APTX: variants seen among roughly 807,000 people sequenced by gnomAD.
The protein encoded by APTX is forkhead-associated domain histidine triad-like protein.
Under a neutral mutation model 42.3 loss-of-function variants are expected in APTX, and 33 were observed. The observed-to-expected ratio is 0.78, with a 90% confidence interval of 0.59 to 1.04. The LOEUF is 1.04. APTX is among the 50% of genes least tolerant of loss of function. The pLI, the probability that APTX is intolerant of heterozygous loss-of-function variation, is 0.00. For synonymous variants in APTX, 130 were observed against 146.7 expected, an observed-to-expected ratio of 0.89 and a Z score of 0.82; for missense variants, 421 against 415.1, an observed-to-expected ratio of 1.01 and a Z score of -0.12.
At chr9:32,992,455 A>C (rs1047393914) in intron 1 of APTX, among the ~76,000 whole-genome samples, 3 of 152,236 alleles carry the variant, frequency 2.0e-5, no homozygotes, top group African/African-American at 7.2e-5. Flanking sequence ...GGGACTGATA[A>C]AGAAGAAATG....
rs116333045 is a variant in APTX, at chr9:33,009,983, C to T, written c.-5+15040G>A. Among the ~76,000 whole-genome samples, 434 of 152,242 alleles carry T rather than the reference C, an allele frequency of 2.9e-3. 1 individual carries two copies. Among genetic ancestry groups the T allele is most frequent in the African/African-American group, 0.01 (421 of 41,534 alleles). ...TACCACTCTCTCCTCGCCTATTTGCCCAAACACAGGGCCTTTCCTTCAATT... is the reference window on the plus strand; with the variant it reads ...TACCACTCTCTCCTCGCCTATTTGCTCAAACACAGGGCCTTTCCTTCAATT... On this transcript the variant is annotated intron_variant, in intron 1 of 6. Coordinates refer to the APTX transcript ENST00000436040.
At chr9:32,999,684 G>A (rs1835790796) in intron 1 of APTX, among the ~76,000 whole-genome samples, 1 of 152,156 alleles carries the variant, frequency 6.6e-6, no homozygotes, top group South Asian at 2.1e-4. Flanking sequence ...AAAATAAAAG[G>A]TAACAAACAG....
At chr9:32,980,129 A>T (rs1830366570) in intron 6 of APTX, 1 of 152,512 alleles carries the variant, frequency 6.6e-6, no homozygotes, top group Non-Finnish European at 1.5e-5. Context: ...TTATTCTGCA[A>T]TGTAACTGCA....
At chr9:33,022,539 T>G (rs1163951357) in intron 1 of APTX, among the ~76,000 whole-genome samples, 1 of 152,234 alleles carries the variant, frequency 6.6e-6, no homozygotes, top group Non-Finnish European at 1.5e-5. Context: ...CCAACAGAAA[T>G]ACTTGCATGA....
Position 32,974,464 on chromosome 9 carries a change from A to T in APTX, c.868T>A (p.Ser290Thr), listed in dbSNP as rs780912750. The change falls in exon 7 of 8, where the codon TCA becomes ACA. Residue 290 changes from serine to threonine, a missense_variant. Ser to Thr is a moderately conservative substitution (Grantham distance 58). Coordinates refer to ENST00000379817, the MANE Select transcript of APTX (RefSeq NM_001195248.2). ...ACCAAGGAACACTGTTTACCTTGTG[A>T]TTCTAGGAAGTATTCTGTATTGAAA... ...NSFNTEYFLE[S>T]QAVIEMVQEA... The T allele has an allele frequency of 3.2e-6, 5 of 1,568,450 alleles. No homozygotes were observed. The Admixed American group carries it at 8.3e-5, about 26-fold the overall frequency.
chr9:32,974,439 AC>A lies in APTX; in HGVS notation c.874+18del, dbSNP rs1213807704. On this transcript the variant is annotated intron_variant, in intron 7 of 7. Coordinates refer to ENST00000379817, the MANE Select transcript of APTX (RefSeq NM_001195248.2). Reference sequence around the variant, plus strand: ...CTCAGAAAATGAAACAAATGTGAAAACCAAGGAACACTGTTTACCTTGTGAT... The same window carrying A: ...CTCAGAAAATGAAACAAATGTGAAAACAAGGAACACTGTTTACCTTGTGAT... The A allele has an allele frequency of 2.1e-6, 3 of 1,423,308 alleles. No individual in the cohort carries two copies. Among genetic ancestry groups the A allele is most frequent in the Non-Finnish European group, 3.0e-6 (3 of 1,006,886 alleles). The allele number at this position is 1,423,308 out of a possible 1,614,324, so 88.2% of individuals were successfully genotyped here. A position where few individuals can be genotyped will look rare whatever the true frequency, so the allele number is the denominator to read the frequency against.
At position 32,972,789 on chromosome 9, in the gene APTX, C is replaced by T. The variant is rs1262411911; in HGVS notation, c.*709G>A. The T allele has an allele frequency of 2.2e-6, 1 of 453,946 alleles. No homozygotes were observed. Among genetic ancestry groups the T allele is most frequent in the African/African-American group, 2.0e-5 (1 of 49,982 alleles). 28.1% of individuals were successfully genotyped at this position (453,946 alleles called of 1,614,324 possible). A position where few individuals can be genotyped will look rare whatever the true frequency, so the allele number is the denominator to read the frequency against. On this transcript the variant is annotated 3_prime_UTR_variant, in exon 8 of 8. Coordinates refer to ENST00000379817, the MANE Select transcript of APTX (RefSeq NM_001195248.2). Reference sequence around the variant, plus strand: ...CAAACAAATTAACTTTATTTTCAGACAACAGGTCCAAGAAGACTTCACAGC... The same window carrying T: ...CAAACAAATTAACTTTATTTTCAGATAACAGGTCCAAGAAGACTTCACAGC...
chr9:33,000,625 CAAAAAAA>C (rs60760701), intron 1 of APTX, among the ~76,000 whole-genome samples: 12 of 63,436 alleles, frequency 1.9e-4, no homozygotes, highest in African/African-American at 3.5e-4. Flanking sequence ...GACTCTGTCT[CAAAAAAA>C]AAAAAAAAAA....
At position 32,987,817 on chromosome 9, in the gene APTX, T is replaced by C. The variant is rs138511333; in HGVS notation, c.210A>G (p.Ser70=). 2.1e-5 allele frequency: 34 copies of C among 1,613,828 alleles called. No individual in the cohort carries two copies. In the Admixed American group the frequency reaches 4.7e-4, roughly 22 times the overall value. Residue 70 remains serine, a synonymous_variant, in exon 4 of 8, where the codon TCA becomes TCG. Coordinates refer to ENST00000379817, the MANE Select transcript of APTX (RefSeq NM_001195248.2). Reference sequence around the variant, plus strand: ...CCTCTTGGTCCTTCCCAATTACGACTGAGTCAATGCTGGTGGGATTGACTC... The same window carrying C: ...CCTCTTGGTCCTTCCCAATTACGACCGAGTCAATGCTGGTGGGATTGACTC... The part of the protein sequence containing the change: ...QVGVNPTSID[S]VVIGKDQEVK...
At chr9:32,976,409 A>C (rs1382118313) in intron 6 of APTX, among the ~76,000 whole-genome samples, 1 of 152,212 alleles carries the variant, frequency 6.6e-6, no homozygotes, top group African/African-American at 2.4e-5. Flanking sequence ...GCTGTAGCCC[A>C]TGTGTTCAGT....
At chr9:33,017,507 G>GTAGTCACTAGTCACTTCCCAAAGGGCAC (rs1554676361) in intron 1 of APTX, among the ~76,000 whole-genome samples, 3 of 152,024 alleles carry the variant, frequency 2.0e-5, no homozygotes, top group Non-Finnish European at 4.4e-5. Flanking sequence ...ATCCCATGAC[G>GTAGTCACTAGTCACTTCCCAAAGGGCAC]TAGTCACTTC....
Position 32,973,361 on chromosome 9 carries a change from CAAT to C in APTX, c.*134_*136del. On this transcript the variant is annotated 3_prime_UTR_variant, in exon 8 of 8. Transcript: ENST00000379817. ...TGAGCCACTCTACATTGTGGCCACT[CAAT>C]AATAGAATAAATTTGTGAAAAAGCT... 2 of 1,057,774 alleles carry C rather than the reference CAAT, an allele frequency of 1.9e-6. No homozygotes were observed. Among genetic ancestry groups the C allele is most frequent in the South Asian group, 2.6e-5 (2 of 76,708 alleles). 65.5% of individuals were successfully genotyped at this position (1,057,774 alleles called of 1,614,324 possible).
At chr9:32,982,513 CATT>C (rs1422231323) in intron 6 of APTX, among the ~76,000 whole-genome samples, 1 of 152,094 alleles carries the variant, frequency 6.6e-6, no homozygotes, top group East Asian at 1.9e-4. Context: ...TAATTGAAAA[CATT>C]ACTTTTACAA....
intron 1 of APTX, among the ~76,000 whole-genome samples, chr9:33,011,904 C>T (rs1368005642): frequency 1.3e-5 from 2 of 152,178 alleles, no homozygotes; most frequent in Non-Finnish European, 2.9e-5. Flanking sequence ...TGCTCTTTCT[C>T]CCACTTGTCT....
intron 1 of APTX, among the ~76,000 whole-genome samples, chr9:32,994,679 G>C (rs886441666): frequency 6.6e-6 from 1 of 152,004 alleles, no homozygotes; most frequent in Non-Finnish European, 1.5e-5. Context: ...AAACTTTTTC[G>C]TTATTATTAT....
upstream of APTX, among the ~76,000 whole-genome samples, chr9:33,006,074 T>C (rs999546519): frequency 6.6e-6 from 1 of 150,664 alleles, no homozygotes; most frequent in Non-Finnish European, 1.5e-5. Flanking sequence ...TTGTTGTTTG[T>C]TTGTTTGTTT....
chr9:33,014,421 CAGT>C (rs1445399805), intron 1 of APTX, among the ~76,000 whole-genome samples: 1 of 152,252 alleles, frequency 6.6e-6, no homozygotes, highest in Non-Finnish European at 1.5e-5. Context: ...TTTAACCCAA[CAGT>C]AGAATAAATA....
chr9:32,978,644 TA>T lies in APTX; in HGVS notation c.771-4084del, dbSNP rs1388239614. On this transcript the variant is annotated intron_variant, in intron 6 of 7. Coordinates refer to ENST00000379817, the MANE Select transcript of APTX (RefSeq NM_001195248.2). Reference sequence around the variant, plus strand: ...TGCTAAGATGATGAAATGAAAGAAATAAAGCTCAAGTGCAATTTCTGATAAA... The same window carrying T: ...TGCTAAGATGATGAAATGAAAGAAATAAGCTCAAGTGCAATTTCTGATAAA... Among the ~76,000 whole-genome samples, 68 of 152,278 alleles carry T rather than the reference TA, an allele frequency of 4.5e-4. 1 individual carries two copies. The highest frequency in any genetic ancestry group is 8.8e-5 in the Non-Finnish European group (6 of 68,022).
intron 4 of APTX, among the ~76,000 whole-genome samples, chr9:32,987,317 C>T (rs1456352850): frequency 6.6e-6 from 1 of 152,226 alleles, no homozygotes; most frequent in African/African-American, 2.4e-5. Flanking sequence ...ATGTTAAGTA[C>T]ACACTGCCAT....
Sources: gnomAD v4.1 joint callset for allele counts (sites outside exome capture counted in the v4.1 genomes callset) on GRCh38, gnomAD v4.1.1 for gene constraint, MANE v1.5 for transcripts, NCBI Gene and HGNC (gene_info 2026-07-23, HGNC 2026-07-21) for gene names.